The following CNTNAP2 variants were observed in gnomAD, a reference collection of about 807,000 sequenced individuals.
CNTNAP2 encodes the protein contactin associated protein 2, also known as contactin-associated protein-like 2.
CNTNAP2 carries 98 observed loss-of-function variants against 155.2 expected under a neutral mutation model. The observed-to-expected ratio is 0.63, with a 90% CI of 0.54 to 0.75. The LOEUF (loss-of-function observed/expected upper bound fraction) is 0.75, where lower values mean the gene tolerates loss of function less well. CNTNAP2 is among the 30% of genes least tolerant of loss of function. The pLI, the probability that CNTNAP2 is intolerant of heterozygous loss-of-function variation, is 0.00. For synonymous variants in CNTNAP2, 651 were observed against 631.2 expected, an observed-to-expected ratio of 1.03 and a Z score of -0.47; for missense variants, 1,727 against 1,688.1, an observed-to-expected ratio of 1.02 and a Z score of -0.40.
intron 9 of CNTNAP2, among the ~76,000 whole-genome samples, chr7:147,361,484 G>A (rs775731799): frequency 1.3e-5 from 2 of 152,216 alleles, no homozygotes; most frequent in Non-Finnish European, 2.9e-5. Context: ...TTTAAGTCAC[G>A]TTGTGTTAGA....
At chr7:148,187,299 A>G (rs751860363) in intron 18 of CNTNAP2, among the ~76,000 whole-genome samples, 10 of 152,172 alleles carry the variant, frequency 6.6e-5, no homozygotes, top group Non-Finnish European at 1.2e-4. Context: ...ATATATGAGG[A>G]GAGGAATAAA....
intron 1 of CNTNAP2, among the ~76,000 whole-genome samples, chr7:146,164,233 A>G (rs527476114): frequency 1.8e-4 from 27 of 151,462 alleles, no homozygotes; most frequent in African/African-American, 6.3e-4. Flanking sequence ...TTGCCCTATT[A>G]AATATGTTCT....
chr7:146,645,006 A>T (rs1275454153), intron 1 of CNTNAP2, among the ~76,000 whole-genome samples: 1 of 152,190 alleles, frequency 6.6e-6, no homozygotes, highest in Non-Finnish European at 1.5e-5. Context: ...CCTGATACCA[A>T]AGCCGGGCAG....
intron 2 of CNTNAP2, among the ~76,000 whole-genome samples, chr7:146,781,101 G>A (rs1443301346): frequency 6.6e-6 from 1 of 151,858 alleles, no homozygotes; most frequent in Non-Finnish European, 1.5e-5. Flanking sequence ...GGTGGCTGGC[G>A]CCTGTAGTCC....
At chr7:148,143,552 T>C (rs1464312758) in intron 16 of CNTNAP2, among the ~76,000 whole-genome samples, 1 of 152,076 alleles carries the variant, frequency 6.6e-6, no homozygotes, top group Non-Finnish European at 1.5e-5. Flanking sequence ...GGTGGTGTAC[T>C]CCTGTAGTCT....
At chr7:147,797,181 TC>T (rs906141492) in intron 13 of CNTNAP2, among the ~76,000 whole-genome samples, 1 of 152,086 alleles carries the variant, frequency 6.6e-6, no homozygotes, top group Non-Finnish European at 1.5e-5. Flanking sequence ...AACATCAGTG[TC>T]CCCCCTAATT....
intron 13 of CNTNAP2, among the ~76,000 whole-genome samples, chr7:147,655,573 TAATATTTTG>T: frequency 6.6e-6 from 1 of 152,372 alleles, no homozygotes; most frequent in East Asian, 1.9e-4. Flanking sequence ...CAATGAGCAG[TAATATTTTG>T]AAAGGAATAT....
chr7:147,414,308 C>T (rs1427623995), intron 10 of CNTNAP2, among the ~76,000 whole-genome samples: 1 of 151,746 alleles, frequency 6.6e-6, no homozygotes, highest in Non-Finnish European at 1.5e-5. Context: ...ACTGTGATCC[C>T]AGCTACTCAG....
At chr7:148,005,778 A>G (rs1428111997) in intron 15 of CNTNAP2, among the ~76,000 whole-genome samples, 1 of 152,176 alleles carries the variant, frequency 6.6e-6, no homozygotes, top group African/African-American at 2.4e-5. Flanking sequence ...TTTTCCAATG[A>G]GTGCATGTTT....
chr7:147,290,509 T>A (rs1254139058), intron 8 of CNTNAP2, among the ~76,000 whole-genome samples: 1 of 151,804 alleles, frequency 6.6e-6, no homozygotes, highest in African/African-American at 2.4e-5. Flanking sequence ...GCTGAAACCC[T>A]GTCTCTACTA....
chr7:148,334,160 A>T (rs1798078215), intron 21 of CNTNAP2, among the ~76,000 whole-genome samples: 1 of 152,138 alleles, frequency 6.6e-6, no homozygotes, highest in South Asian at 2.1e-4. Context: ...CTTTTATCAG[A>T]GAGTCTAGTT....
intron 1 of CNTNAP2, among the ~76,000 whole-genome samples, chr7:146,754,406 AT>A (rs77966981): frequency 0.17 from 26,507 of 151,912 alleles, 2,480 homozygotes; most frequent in South Asian, 0.29. Context: ...TTCATTTTTT[AT>A]TGTAATTTTT....
chr7:146,968,596 A>G (rs369716927), intron 3 of CNTNAP2, among the ~76,000 whole-genome samples: 2,820 of 151,424 alleles, frequency 0.019, 72 homozygotes, highest in African/African-American at 0.055. Flanking sequence ...GTTTATTTGC[A>G]TAGAGGTGTT....
intron 15 of CNTNAP2, among the ~76,000 whole-genome samples, chr7:148,093,245 T>C (rs886422984): frequency 7.2e-5 from 11 of 151,844 alleles, no homozygotes; most frequent in Admixed American, 2.6e-4. Flanking sequence ...TAATAATAAA[T>C]AGAGCCTTGT....
intron 9 of CNTNAP2, among the ~76,000 whole-genome samples, chr7:147,318,168 G>T (rs185035517): frequency 1.3e-5 from 2 of 152,274 alleles, no homozygotes; most frequent in African/African-American, 2.4e-5. Flanking sequence ...TTCGCTGGGC[G>T]TTGTGGCTCA....
rs183006106 is a variant in CNTNAP2 at position 147,589,109 on chromosome 7, A to C, written c.1897+26852A>C. Among the ~76,000 whole-genome samples, 441 of 152,296 alleles carry C rather than the reference A, an allele frequency of 2.9e-3. 4 individuals carry two copies. Among genetic ancestry groups the C allele is most frequent in the South Asian group, 5.4e-3 (26 of 4,816 alleles). On this transcript the variant is annotated intron_variant, in intron 12 of 23. Coordinates refer to ENST00000361727, the MANE Select transcript of CNTNAP2 (RefSeq NM_014141.6). The stretch of plus-strand genomic sequence containing the variant: ...TGAAAAGAAAAAAACTCTACCACTT[A>C]TTTTATAGAATCTTAGACATTTAGT...
At chr7:148,041,650 A>T (rs1371488617) in intron 15 of CNTNAP2, among the ~76,000 whole-genome samples, 2 of 152,336 alleles carry the variant, frequency 1.3e-5, no homozygotes, top group South Asian at 4.1e-4. Context: ...GCAAATGCAT[A>T]ACTAAATTTT....
intron 1 of CNTNAP2, among the ~76,000 whole-genome samples, chr7:146,368,867 G>T (rs1460505982): frequency 3.6e-5 from 5 of 138,188 alleles, no homozygotes; most frequent in African/African-American, 1.4e-4. Context: ...TATATATATA[G>T]ATGCTTGCCT....
At chr7:146,656,374 AAAG>A (rs1309031437) in intron 1 of CNTNAP2, among the ~76,000 whole-genome samples, 3 of 152,322 alleles carry the variant, frequency 2.0e-5, no homozygotes, top group East Asian at 3.9e-4. Context: ...GTAACAAAAA[AAAG>A]AAATCAGGTG....
Sources: gnomAD v4.1 joint callset for allele counts (sites outside exome capture counted in the v4.1 genomes callset) on GRCh38, gnomAD v4.1.1 for gene constraint, MANE v1.5 for transcripts, NCBI Gene and HGNC (gene_info 2026-07-23, HGNC 2026-07-21) for gene names.